PGM5: variants seen among roughly 807,000 people sequenced by gnomAD.
PGM5 encodes phosphoglucomutase 5, also known as phosphoglucomutase-like protein 5.
Under a neutral mutation model 59.2 loss-of-function variants are expected in PGM5, and 23 were observed. The ratio of observed to expected loss-of-function variants is 0.39; its 90% CI spans 0.28 to 0.55. PGM5 has a LOEUF of 0.55. PGM5 is among the 20% of genes least tolerant of loss of function. PGM5 has a pLI of 0.66. For missense variants in PGM5, 574 were observed against 748.3 expected, an observed-to-expected ratio of 0.77 and a Z score of 2.72; for synonymous variants, 214 against 286.0, an observed-to-expected ratio of 0.75 and a Z score of 2.54.
At position 68,462,462 on chromosome 9, in the gene PGM5, T is replaced by G. The variant is rs370816598; in HGVS notation, c.1044-2631T>G. Among the ~76,000 whole-genome samples, 3 of 152,284 alleles carry G rather than the reference T, an allele frequency of 2.0e-5. No individual in the cohort carries two copies. The East Asian group carries it at 5.8e-4, about 29-fold the overall frequency. On this transcript the variant is annotated intron_variant, in intron 6 of 10. Coordinates refer to ENST00000396396, the MANE Select transcript of PGM5 (RefSeq NM_021965.4). ...AACTCATACCCAGGATCCTGGAATT[T>G]GATTACCCATATTGTTATTTTGGCT...
intron 6 of PGM5, among the ~76,000 whole-genome samples, chr9:68,411,470 G>A (rs1317748530): frequency 1.5e-5 from 2 of 129,288 alleles, no homozygotes; most frequent in African/African-American, 2.8e-5. Context: ...AATATATAAT[G>A]TGTGTGTGTG....
At chr9:68,412,647 A>T (rs1822953993) in intron 6 of PGM5, among the ~76,000 whole-genome samples, 1 of 152,198 alleles carries the variant, frequency 6.6e-6, no homozygotes, top group Non-Finnish European at 1.5e-5. Context: ...ACAAACGGTT[A>T]GGTATCTTTA....
chr9:68,514,534 G>A (rs776141592), intron 10 of PGM5, among the ~76,000 whole-genome samples: 12 of 152,074 alleles, frequency 7.9e-5, no homozygotes, highest in African/African-American at 2.2e-4. Context: ...CCTGGGAGGC[G>A]GTGGAGGTTG....
chr9:68,404,476 A>G (rs537038013), intron 6 of PGM5, among the ~76,000 whole-genome samples: 10 of 152,336 alleles, frequency 6.6e-5, no homozygotes, highest in Admixed American at 6.5e-4. Context: ...GAAACATAAA[A>G]GATATCAATT....
intron 6 of PGM5, among the ~76,000 whole-genome samples, chr9:68,456,316 G>A (rs1471634269): frequency 1.3e-5 from 2 of 150,750 alleles, no homozygotes; most frequent in Non-Finnish European, 3.0e-5. Context: ...TTGGGGGTGG[G>A]GGGGTGGCAG....
intron 7 of PGM5, among the ~76,000 whole-genome samples, chr9:68,472,733 G>T (rs1824041902): frequency 6.6e-6 from 1 of 152,180 alleles, no homozygotes; most frequent in African/African-American, 2.4e-5. Context: ...TCAGACACAG[G>T]CCCTTCCCTC....
At chr9:68,376,484 T>A (rs1419809834) in intron 1 of PGM5, among the ~76,000 whole-genome samples, 3 of 111,272 alleles carry the variant, frequency 2.7e-5, no homozygotes, top group Non-Finnish European at 6.0e-5. Flanking sequence ...GCTGTGTGTG[T>A]GTGTGTGTGT....
intron 7 of PGM5, among the ~76,000 whole-genome samples, chr9:68,471,959 T>C (rs1406626778): frequency 1.4e-5 from 2 of 142,344 alleles, no homozygotes; most frequent in Non-Finnish European, 3.1e-5. Context: ...TGTTCCTATC[T>C]GCCTTGGTGA....
chr9:68,415,280 G>A (rs1413873692), intron 6 of PGM5, among the ~76,000 whole-genome samples: 1 of 149,518 alleles, frequency 6.7e-6, no homozygotes, highest in Non-Finnish European at 1.5e-5. Flanking sequence ...GGCAGTGTGG[G>A]ATCTGCCCAC....
intron 7 of PGM5, among the ~76,000 whole-genome samples, chr9:68,467,903 T>C (rs1479914870): frequency 6.6e-6 from 1 of 152,186 alleles, no homozygotes; most frequent in Non-Finnish European, 1.5e-5. Flanking sequence ...ATATTAATTG[T>C]AGTGGATTTT....
intron 7 of PGM5, among the ~76,000 whole-genome samples, chr9:68,475,304 T>A (rs190219593): frequency 0.015 from 2,197 of 151,468 alleles, 34 homozygotes; most frequent in Admixed American, 0.023. Context: ...CAAAGTGCTG[T>A]GATTACAGGT....
intron 10 of PGM5, among the ~76,000 whole-genome samples, chr9:68,508,445 A>T: frequency 1.3e-5 from 2 of 152,372 alleles, no homozygotes; most frequent in South Asian, 4.1e-4. Context: ...AAGGAAACCT[A>T]AAAATGTTTT....
At chr9:68,466,256 C>T in intron 7 of PGM5, 3 of 1,054,962 alleles carry the variant, frequency 2.8e-6, no homozygotes, top group South Asian at 1.8e-5. Context: ...AATTCTTCTT[C>T]TCCGATACTG....
intron 6 of PGM5, 88 bp from the exon 7 acceptor site, chr9:68,465,005 G>C (rs1823910571): frequency 2.7e-6 from 2 of 746,998 alleles, no homozygotes. Flanking sequence ...TATGGATTTA[G>C]TAGATCCTAA....
chr9:68,419,511 G>A (rs566564156), intron 6 of PGM5, among the ~76,000 whole-genome samples: 12 of 152,252 alleles, frequency 7.9e-5, no homozygotes, highest in Admixed American at 5.2e-4. Flanking sequence ...GCTTCAGACC[G>A]AGCTGGGGCA....
chr9:68,473,306 G>A (rs1300840845), intron 7 of PGM5, among the ~76,000 whole-genome samples: 2 of 152,146 alleles, frequency 1.3e-5, no homozygotes, highest in African/African-American at 4.8e-5. Flanking sequence ...AGAAATAAAG[G>A]GAAAATTTGC....
intron 10 of PGM5, among the ~76,000 whole-genome samples, chr9:68,524,905 G>A (rs187314770): frequency 2.0e-5 from 3 of 152,286 alleles, no homozygotes; most frequent in Admixed American, 6.5e-5. Flanking sequence ...GTCGCACTGG[G>A]CTTTAGTGTC....
rs371148474 is a variant in PGM5 at position 68,392,492 on chromosome 9, G to A, written c.1043+19G>A. 46 of 1,608,632 alleles carry A rather than the reference G, an allele frequency of 2.9e-5. No individual in the cohort carries two copies. The highest frequency in any genetic ancestry group is 8.9e-5 in the East Asian group (4 of 44,756). ...TGGACAGGTAAGCAAGGATGTCACC[G>A]TGAAAAACTTTATGGTAGACCTTTG... On this transcript the variant is annotated intron_variant, in intron 6 of 10. Coordinates refer to ENST00000396396, the MANE Select transcript of PGM5 (RefSeq NM_021965.4).
At chr9:68,504,300 C>A (rs1224037224) in intron 10 of PGM5, among the ~76,000 whole-genome samples, 2 of 152,200 alleles carry the variant, frequency 1.3e-5, no homozygotes, top group African/African-American at 4.8e-5. Flanking sequence ...TCATTCTTCT[C>A]CATCTCAGTA....
Sources: allele counts gnomAD v4.1 joint callset (sites outside exome capture counted in the v4.1 genomes callset), GRCh38; gene constraint gnomAD v4.1.1; transcripts MANE v1.5; gene names NCBI Gene and HGNC (gene_info 2026-07-23, HGNC 2026-07-21).